Variants in VPS13B observed in about 807,000 individuals in gnomAD.
The protein encoded by VPS13B is vacuolar protein sorting 13 homolog B.
In VPS13B, 285 loss-of-function variants were observed where a neutral mutation model predicts 426.4. The observed-to-expected ratio is 0.67, with a 90% CI of 0.61 to 0.74. The LOEUF (loss-of-function observed/expected upper bound fraction) is 0.74. Ranked by LOEUF, VPS13B falls within the 30% of genes least tolerant of loss-of-function variation. The probability of loss-of-function intolerance (pLI) is 0.00; values close to 1 mark genes in which losing one functional copy is unlikely to be tolerated. For synonymous variants in VPS13B, 1,676 were observed against 1,676.4 expected (o/e 1.00, Z 0.01); for missense variants, 4,537 against 4,782.6 (o/e 0.95, Z 1.51).
At chr8:99,813,465 C>T (rs989436992) in intron 44 of VPS13B, among the ~76,000 whole-genome samples, 3 of 152,200 alleles carry the variant, frequency 2.0e-5, no homozygotes, top group Admixed American at 6.5e-5. Flanking sequence ...AATAATGCTT[C>T]AGAGTTTTCA....
At chr8:99,174,164 C>T (rs1007479761) in intron 16 of VPS13B, among the ~76,000 whole-genome samples, 7 of 152,100 alleles carry the variant, frequency 4.6e-5, no homozygotes, top group Non-Finnish European at 1.5e-5. Flanking sequence ...CTTATTCATT[C>T]GTTTGTAAGA....
At chr8:99,180,656 G>A (rs1263930034) in intron 16 of VPS13B, among the ~76,000 whole-genome samples, 1 of 152,132 alleles carries the variant, frequency 6.6e-6, no homozygotes. Flanking sequence ...TTGGGAAATT[G>A]TGTTGCAAGT....
chr8:99,835,234 A>G lies in VPS13B; in HGVS notation c.9652A>G (p.Thr3218Ala). ...GACATATCAAGAACACCTCGGAGTG[A>G]CTTATTTAACCCTCTCAGAAGACCC... ...VLTYQEHLGV[T>A]YLTLSEDPSP... The change falls in exon 53 of 62, where the codon ACT (threonine) becomes GCT (alanine). Residue 3218 changes from threonine to alanine, a missense_variant. By Grantham distance (58) the Thr-to-Ala change is moderately conservative. Coordinates refer to ENST00000357162, the MANE Select transcript of VPS13B (RefSeq NM_152564.5). 6.2e-7 allele frequency: 1 copy of G among 1,614,028 alleles called. No individual in the cohort carries two copies. The highest frequency in any genetic ancestry group is 1.7e-4 in the Middle Eastern group (1 of 6,058).
At chr8:99,288,003 T>C (rs905617964) in intron 19 of VPS13B, among the ~76,000 whole-genome samples, 15 of 152,058 alleles carry the variant, frequency 9.9e-5, no homozygotes, top group Admixed American at 7.9e-4. Flanking sequence ...GAAAGACTTA[T>C]ATTTGAAGTA....
chr8:99,844,460 C>T lies in VPS13B; in HGVS notation c.9943-4316C>T, dbSNP rs1209115917. Among the ~76,000 whole-genome samples the T allele has an allele frequency of 4.0e-5, 6 of 151,784 alleles. No homozygotes were observed. In the East Asian group the frequency reaches 1.2e-3, roughly 29 times the overall value. Reference sequence around the variant, plus strand: ...TCGGCTCACTGCAACCTCCGCCTCCCGGGTTCAAGTGATTCTCCTGCCTCA... The same window carrying T: ...TCGGCTCACTGCAACCTCCGCCTCCTGGGTTCAAGTGATTCTCCTGCCTCA... On this transcript the variant is annotated intron_variant, in intron 54 of 61. Transcript: ENST00000357162.
chr8:99,672,665 A>T (rs1830765624), intron 35 of VPS13B, among the ~76,000 whole-genome samples: 1 of 152,084 alleles, frequency 6.6e-6, no homozygotes, highest in South Asian at 2.1e-4. Context: ...TTTGTCTAGG[A>T]TTTCCAATAC....
At chr8:99,277,921 C>G (rs1818980104) in intron 19 of VPS13B, among the ~76,000 whole-genome samples, 2 of 152,072 alleles carry the variant, frequency 1.3e-5, no homozygotes, top group African/African-American at 4.8e-5. Context: ...ATTTACTTTT[C>G]TTTGCTTTTT....
In VPS13B at chr8:99,848,219, T is replaced by C. The variant is rs77218048; in HGVS notation, c.9943-557T>C. Reference sequence around the variant, plus strand: ...ATTCTCATGGTAGAAAAATTAATTTTTTACTCCGAGCAAATTAACTTATAT... The same window carrying C: ...ATTCTCATGGTAGAAAAATTAATTTCTTACTCCGAGCAAATTAACTTATAT... On this transcript the variant is annotated intron_variant, in intron 54 of 61. Transcript: ENST00000357162. Among the ~76,000 whole-genome samples the C allele has an allele frequency of 4.5e-3, 693 of 152,316 alleles. 19 individuals are homozygous for C. The East Asian group carries it at 0.063, about 14-fold the overall frequency.
At chr8:99,628,123 A>G (rs1029029614) in intron 33 of VPS13B, among the ~76,000 whole-genome samples, 62 of 152,222 alleles carry the variant, frequency 4.1e-4, no homozygotes, top group African/African-American at 1.5e-3. Context: ...GACTAAAGGA[A>G]AGCTGTGAAC....
At chr8:99,400,680 T>C (rs1298639319) in intron 21 of VPS13B, among the ~76,000 whole-genome samples, 1 of 152,190 alleles carries the variant, frequency 6.6e-6, no homozygotes, top group African/African-American at 2.4e-5. Context: ...TTTGTTTTTG[T>C]TTTTGTTTTG....
chr8:99,348,873 T>G (rs1184467931), intron 19 of VPS13B, among the ~76,000 whole-genome samples: 1 of 151,696 alleles, frequency 6.6e-6, no homozygotes, highest in East Asian at 1.9e-4. Context: ...ATTGGAGGAG[T>G]TTTTTTGTAG....
chr8:99,103,624 C>G (rs1056734328), intron 5 of VPS13B, among the ~76,000 whole-genome samples: 1 of 151,546 alleles, frequency 6.6e-6, no homozygotes, highest in Non-Finnish European at 1.5e-5. Flanking sequence ...CTCAGCCTCC[C>G]GAGTAGCTGG....
chr8:99,069,021 GTAAAA>G, intron 3 of VPS13B, among the ~76,000 whole-genome samples: 1 of 12,716 alleles, frequency 7.9e-5, no homozygotes, highest in East Asian at 9.9e-4. Context: ...TCTATTAAAA[GTAAAA>G]GCATAAAATA....
intron 17 of VPS13B, among the ~76,000 whole-genome samples, chr8:99,248,928 G>A (rs1817362953): frequency 6.6e-6 from 1 of 151,876 alleles, no homozygotes; most frequent in Non-Finnish European, 1.5e-5. Flanking sequence ...TAGAGTGTAT[G>A]ATTCAGTGGC....
intron 24 of VPS13B, among the ~76,000 whole-genome samples, chr8:99,473,913 C>A (rs1343697308): frequency 2.6e-5 from 4 of 152,014 alleles, no homozygotes; most frequent in Non-Finnish European, 5.9e-5. Flanking sequence ...ATCCAAGAAA[C>A]ATAAATGAAT....
intron 59 of VPS13B, among the ~76,000 whole-genome samples, 186 bp from the exon 60 acceptor site, chr8:99,870,599 T>G (rs1255467117): frequency 6.6e-6 from 1 of 152,228 alleles, no homozygotes; most frequent in East Asian, 1.9e-4. Flanking sequence ...TTGTTACTAA[T>G]GCAAGATCAC....
chr8:99,419,733 C>T (rs1187412143), intron 21 of VPS13B, among the ~76,000 whole-genome samples: 1 of 152,026 alleles, frequency 6.6e-6, no homozygotes, highest in African/African-American at 2.4e-5. Flanking sequence ...GTACCTTACA[C>T]AAAGGTGATA....
chr8:99,313,152 C>T lies in VPS13B; in HGVS notation c.2824+37898C>T, dbSNP rs150075760. On this transcript the variant is annotated intron_variant, in intron 19 of 61. Transcript: ENST00000357162. ...CTCGGAGAAGTTTGATCGTCTGAAG[C>T]CTTCTTCTCTCAACTCGTCAAAGTC... 3.2e-3 allele frequency among the ~76,000 whole-genome samples: 481 copies of T among 152,286 alleles called. 3 individuals are homozygous for T. The highest frequency in any genetic ancestry group is 0.01 in the African/African-American group (436 of 41,558).
chr8:99,360,002 C>G (rs1812411438), intron 19 of VPS13B, among the ~76,000 whole-genome samples: 1 of 151,832 alleles, frequency 6.6e-6, no homozygotes, highest in Admixed American at 6.6e-5. Context: ...GGGGTTTCAC[C>G]ACATTGGCCA....
Sources: gnomAD v4.1 joint callset for allele counts (sites outside exome capture counted in the v4.1 genomes callset) on GRCh38, gnomAD v4.1.1 for gene constraint, MANE v1.5 for transcripts, NCBI Gene and HGNC (gene_info 2026-07-23, HGNC 2026-07-21) for gene names.